Variants in SPOCK1 observed in about 807,000 individuals in gnomAD.
The protein encoded by SPOCK1 is testican-1.
SPOCK1 carries 23 observed loss-of-function variants against 55.3 expected under a neutral mutation model. The observed-to-expected ratio is 0.42, with a 90% confidence interval of 0.30 to 0.59. The LOEUF (loss-of-function observed/expected upper bound fraction) is 0.59, where lower values mean the gene tolerates loss of function less well. Ranked by LOEUF, SPOCK1 falls within the 20% of genes least tolerant of loss-of-function variation. The pLI, the probability that SPOCK1 is intolerant of heterozygous loss-of-function variation, is 0.22. For missense variants in SPOCK1, 499 were observed against 552.5 expected (o/e 0.90, Z 0.97); for synonymous variants, 226 against 221.0 (o/e 1.02, Z -0.20).
chr5:137,126,156 C>A (rs1753778705), intron 4 of SPOCK1, among the ~76,000 whole-genome samples: 1 of 152,166 alleles, frequency 6.6e-6, no homozygotes, highest in Admixed American at 6.5e-5. Context: ...AGTTCTTGCT[C>A]TTTTCATGTC....
intron 2 of SPOCK1, among the ~76,000 whole-genome samples, chr5:137,405,069 A>T (rs1026786965): frequency 1.3e-5 from 2 of 152,238 alleles, no homozygotes; most frequent in Non-Finnish European, 2.9e-5. Flanking sequence ...CGTATCAAAG[A>T]TGCACGAAGT....
chr5:137,443,770 T>G (rs1753065769), intron 2 of SPOCK1, among the ~76,000 whole-genome samples: 1 of 152,204 alleles, frequency 6.6e-6, no homozygotes, highest in Admixed American at 6.5e-5. Flanking sequence ...GTATTACCAC[T>G]GCTTTGCTCA....
intron 3 of SPOCK1, among the ~76,000 whole-genome samples, chr5:137,193,836 G>A (rs1755238044): frequency 6.6e-6 from 1 of 152,166 alleles, no homozygotes; most frequent in Non-Finnish European, 1.5e-5. Context: ...CCCCAGAGAA[G>A]TTACATTAGC....
At chr5:137,462,638 G>T (rs1442656414) in intron 2 of SPOCK1, among the ~76,000 whole-genome samples, 10 of 152,230 alleles carry the variant, frequency 6.6e-5, no homozygotes, top group African/African-American at 2.4e-4. Flanking sequence ...TGGAGCTACT[G>T]TGAGTATTAA....
At chr5:136,989,687 A>G (rs1249606735) in intron 7 of SPOCK1, among the ~76,000 whole-genome samples, 1 of 152,120 alleles carries the variant, frequency 6.6e-6, no homozygotes, top group African/African-American at 2.4e-5. Context: ...TCCAGAATCT[A>G]CATATTCTCA....
intron 2 of SPOCK1, among the ~76,000 whole-genome samples, chr5:137,303,438 T>C (rs538605230): frequency 6.6e-6 from 1 of 152,242 alleles, no homozygotes; most frequent in Admixed American, 6.5e-5. Flanking sequence ...CAGAGCTCAG[T>C]GAAGATAAGT....
chr5:137,044,617 G>C (rs947610646), intron 6 of SPOCK1, among the ~76,000 whole-genome samples: 1 of 152,060 alleles, frequency 6.6e-6, no homozygotes, highest in Non-Finnish European at 1.5e-5. Flanking sequence ...TTTAGCAACA[G>C]TGAGACATAA....
intron 2 of SPOCK1, among the ~76,000 whole-genome samples, chr5:137,389,502 C>T (rs547098874): frequency 6.6e-6 from 1 of 152,366 alleles, no homozygotes; most frequent in South Asian, 2.1e-4. Context: ...ATGGTCCCAA[C>T]ACTTGATGAA....
intron 6 of SPOCK1, among the ~76,000 whole-genome samples, chr5:137,019,481 A>T (rs984205470): frequency 3.3e-5 from 5 of 152,048 alleles, no homozygotes; most frequent in African/African-American, 1.2e-4. Context: ...GTAAAATATG[A>T]TGTCATATTT....
chr5:137,423,199 G>T (rs1392575590), intron 2 of SPOCK1, among the ~76,000 whole-genome samples: 1 of 152,186 alleles, frequency 6.6e-6, no homozygotes, highest in East Asian at 1.9e-4. Flanking sequence ...GCCCCTACTG[G>T]GGGGTGCCTC....
intron 3 of SPOCK1, among the ~76,000 whole-genome samples, chr5:137,196,144 C>T (rs924647112): frequency 1.6e-4 from 25 of 152,158 alleles, no homozygotes; most frequent in African/African-American, 5.6e-4. Context: ...GGCCCTCTGA[C>T]ACCCCTCACC....
At chr5:137,275,850 C>G (rs1331429624) in intron 2 of SPOCK1, among the ~76,000 whole-genome samples, 1 of 152,192 alleles carries the variant, frequency 6.6e-6, no homozygotes, top group Non-Finnish European at 1.5e-5. Flanking sequence ...GTTCAGGCAA[C>G]AACGAAGTCA....
chr5:136,984,166 C>CAAAATCCT (rs1561570628), intron 9 of SPOCK1, among the ~76,000 whole-genome samples: 4 of 152,120 alleles, frequency 2.6e-5, no homozygotes, highest in Non-Finnish European at 5.9e-5. Flanking sequence ...CTAAAGAGTT[C>CAAAATCCT]GAAATCCTGA....
At chr5:137,055,154 A>C (rs1480946539) in intron 6 of SPOCK1, among the ~76,000 whole-genome samples, 1 of 152,242 alleles carries the variant, frequency 6.6e-6, no homozygotes, top group East Asian at 1.9e-4. Flanking sequence ...ACCCTGAGAC[A>C]TAAGTGAGCT....
chr5:137,242,610 C>T (rs892988448), intron 3 of SPOCK1, among the ~76,000 whole-genome samples: 2 of 152,114 alleles, frequency 1.3e-5, no homozygotes, highest in African/African-American at 4.8e-5. Flanking sequence ...TGGTGATGTA[C>T]GCCTGTAGTC....
intron 2 of SPOCK1, among the ~76,000 whole-genome samples, chr5:137,306,802 C>T (rs1231864678): frequency 6.6e-6 from 1 of 151,890 alleles, no homozygotes; most frequent in Non-Finnish European, 1.5e-5. Context: ...CTAAACAACA[C>T]ATAATTTTAC....
chr5:137,473,004 G>A (rs1172760136), intron 2 of SPOCK1, among the ~76,000 whole-genome samples: 3 of 152,128 alleles, frequency 2.0e-5, no homozygotes, highest in East Asian at 1.9e-4. Flanking sequence ...CTATGTTGCC[G>A]GTTAAAGGGC....
chr5:137,122,266 C>CAA (rs1449576252), intron 4 of SPOCK1, among the ~76,000 whole-genome samples: 3 of 148,496 alleles, frequency 2.0e-5, no homozygotes, highest in African/African-American at 7.8e-5. Context: ...CGCACACACA[C>CAA]ACACACACAC....
chr5:137,026,868 T>TC (rs1279069411), intron 6 of SPOCK1, among the ~76,000 whole-genome samples: 1 of 152,204 alleles, frequency 6.6e-6, no homozygotes, highest in Non-Finnish European at 1.5e-5. Flanking sequence ...ATTTATTCAT[T>TC]CGTTTGATAA....
Sources: allele counts gnomAD v4.1 joint callset (sites outside exome capture counted in the v4.1 genomes callset), GRCh38; gene constraint gnomAD v4.1.1; transcripts MANE v1.5; gene names NCBI Gene and HGNC (gene_info 2026-07-23, HGNC 2026-07-21).